Variants in FUT9 observed in about 807,000 individuals in gnomAD.
FUT9 encodes fucosyltransferase 9.
FUT9 carries 15 observed loss-of-function variants against 29.7 expected under a neutral mutation model. The observed-to-expected ratio is 0.51, with a 90% confidence interval of 0.34 to 0.78. FUT9 has a LOEUF of 0.78. Ranked by LOEUF, FUT9 falls within the 30% of genes least tolerant of loss-of-function variation. The pLI is 0.01. For missense variants in FUT9, 319 were observed against 425.4 expected (o/e 0.75, Z 2.20); for synonymous variants, 169 against 153.7 (o/e 1.10, Z -0.74).
At chr6:96,142,770 AAGG>A (rs1455823815) in intron 2 of FUT9, among the ~76,000 whole-genome samples, 3 of 152,268 alleles carry the variant, frequency 2.0e-5, no homozygotes, top group African/African-American at 7.2e-5. Context: ...TTTAAATTAT[AAGG>A]AGTAGTATTT....
At chr6:96,024,658 C>T (rs1014966963) in intron 1 of FUT9, among the ~76,000 whole-genome samples, 12 of 151,642 alleles carry the variant, frequency 7.9e-5, no homozygotes, top group African/African-American at 1.7e-4. Flanking sequence ...CATTAGCTGC[C>T]GCAATATCTT....
intron 1 of FUT9, among the ~76,000 whole-genome samples, chr6:96,068,793 G>A (rs1160464222): frequency 1.3e-5 from 2 of 152,110 alleles, no homozygotes; most frequent in Non-Finnish European, 2.9e-5. Flanking sequence ...ATGCCATTGT[G>A]AAAATAGTGT....
intron 2 of FUT9, among the ~76,000 whole-genome samples, chr6:96,170,334 A>T (rs538341606): frequency 2.6e-5 from 4 of 152,276 alleles, no homozygotes; most frequent in Non-Finnish European, 5.9e-5. Flanking sequence ...CAGAAACCCA[A>T]GTTTGACTCT....
chr6:96,080,226 A>T (rs963368198), intron 1 of FUT9, among the ~76,000 whole-genome samples: 1 of 152,100 alleles, frequency 6.6e-6, no homozygotes, highest in Non-Finnish European at 1.5e-5. Context: ...GTTTCTAAAA[A>T]AAAAGCCAGA....
intron 2 of FUT9, among the ~76,000 whole-genome samples, chr6:96,119,383 C>T (rs1299082167): frequency 6.6e-6 from 1 of 152,126 alleles, no homozygotes; most frequent in African/African-American, 2.4e-5. Flanking sequence ...GAAACAATAG[C>T]CTAAGTGTGT....
chr6:96,058,759 G>A (rs1334512340), intron 1 of FUT9, among the ~76,000 whole-genome samples: 1 of 152,114 alleles, frequency 6.6e-6, no homozygotes, highest in Admixed American at 6.5e-5. Context: ...CTTACCTCAT[G>A]TTGTTTTGTA....
intron 1 of FUT9, among the ~76,000 whole-genome samples, chr6:96,081,873 A>G (rs1771243937): frequency 6.6e-6 from 1 of 151,894 alleles, no homozygotes; most frequent in Admixed American, 6.6e-5. Context: ...TGTGGAGTAT[A>G]AGGAGGCATC....
In FUT9 at chr6:96,212,728, T is replaced by C. The variant is rs369027282; in HGVS notation, c.*8493T>C. 5.6e-6 allele frequency: 1 copy of C among 177,746 alleles called. No homozygotes were observed. Among genetic ancestry groups the C allele is most frequent in the African/African-American group, 2.4e-5 (1 of 41,938 alleles). The allele number at this position is 177,746 out of a possible 1,614,324, so 11.0% of individuals were successfully genotyped here. A position where few individuals can be genotyped will look rare whatever the true frequency, so the allele number is the denominator to read the frequency against. ...AGGTTAAACATCTTCATTATAATAA[T>C]ATGTCTTATTCTGATTCCAAGACAA... On this transcript the variant is annotated 3_prime_UTR_variant, in exon 3 of 3. Coordinates refer to ENST00000302103, the MANE Select transcript of FUT9 (RefSeq NM_006581.4).
At chr6:96,188,745 G>T (rs1002656389) in intron 2 of FUT9, among the ~76,000 whole-genome samples, 18 of 150,138 alleles carry the variant, frequency 1.2e-4, no homozygotes, top group African/African-American at 4.2e-4. Flanking sequence ...TGAACAGTAA[G>T]AAATACATTT....
intron 2 of FUT9, among the ~76,000 whole-genome samples, chr6:96,155,554 T>A (rs562478971): frequency 6.6e-6 from 1 of 151,734 alleles, no homozygotes; most frequent in Non-Finnish European, 1.5e-5. Context: ...GTGCCTGTAG[T>A]CCTAGCTGCT....
intron 1 of FUT9, among the ~76,000 whole-genome samples, chr6:96,017,573 A>C (rs1770000986): frequency 6.6e-6 from 1 of 152,200 alleles, no homozygotes; most frequent in African/African-American, 2.4e-5. Context: ...TTATGGTTTA[A>C]TATTTTAGAG....
chr6:96,212,306 G>A lies in FUT9; in HGVS notation c.*8071G>A, dbSNP rs146022547. On this transcript the variant is annotated 3_prime_UTR_variant, in exon 3 of 3. Transcript: ENST00000302103. ...CAGAGGATATGAGCTCATCTAGGAT[G>A]GAATACATGTCTCCAGGGACTGTAA... 2.8e-3 allele frequency: 1,141 copies of A among 412,666 alleles called. 6 individuals are homozygous for A. Among genetic ancestry groups the A allele is most frequent in the Non-Finnish European group, 1.6e-3 (350 of 225,598 alleles). The allele number at this position is 412,666 out of a possible 1,614,324, so 25.6% of individuals were successfully genotyped here.
Position 96,203,774 on chromosome 6 carries a change from A to G in FUT9, c.619A>G (p.Asn207Asp). The change falls in exon 3 of 3, where the codon AAT becomes GAT. Residue 207 changes from asparagine (N) to aspartate (D), a missense_variant. Asn to Asp is a conservative substitution (Grantham distance 23). Coordinates refer to ENST00000302103, the MANE Select transcript of FUT9 (RefSeq NM_006581.4). ...TGAGCATGCCAGAGTCAAGTATTACAATGAGCTAAGCAAAAGCATTGAAAT... is the reference window on the plus strand; with the variant it reads ...TGAGCATGCCAGAGTCAAGTATTACGATGAGCTAAGCAAAAGCATTGAAAT... ...NPEHARVKYYNELSKSIEIHT... is the reference protein window; with the variant it reads ...NPEHARVKYYDELSKSIEIHT... 6.2e-7 allele frequency: 1 copy of G among 1,614,074 alleles called. No individual in the cohort carries two copies.
At position 96,056,306 on chromosome 6, in the gene FUT9, G is replaced by T. The variant is rs114273881; in HGVS notation, c.-98+40094G>T. Among the ~76,000 whole-genome samples the T allele has an allele frequency of 4.0e-3, 604 of 152,192 alleles. 3 individuals are homozygous for T. Among genetic ancestry groups the T allele is most frequent in the African/African-American group, 0.014 (589 of 41,516 alleles). ...GGGTAGAAAAAGACAAATAGAATCT[G>T]GTTAGTCTCTATGGCAAAGTCATAC... On this transcript the variant is annotated intron_variant, in intron 1 of 2. Coordinates refer to ENST00000302103, the MANE Select transcript of FUT9 (RefSeq NM_006581.4).
intron 2 of FUT9, among the ~76,000 whole-genome samples, chr6:96,198,490 G>A (rs1217788443): frequency 1.3e-5 from 2 of 151,928 alleles, no homozygotes; most frequent in Non-Finnish European, 2.9e-5. Flanking sequence ...GTGTATATGT[G>A]CCACATTTTC....
intron 2 of FUT9, among the ~76,000 whole-genome samples, chr6:96,122,921 A>G (rs899570546): frequency 2.6e-5 from 4 of 151,794 alleles, no homozygotes; most frequent in Admixed American, 1.3e-4. Context: ...CTAGCTGGGC[A>G]TGGTGGCGGG....
At chr6:96,180,394 C>A (rs9377473) in intron 2 of FUT9, among the ~76,000 whole-genome samples, 25,053 of 151,924 alleles carry the variant, frequency 0.16, 2,293 homozygotes, top group Admixed American at 0.25. Flanking sequence ...CATGCTGTGT[C>A]CAGAGTAAGT....
At chr6:96,036,725 G>T (rs1420208542) in intron 1 of FUT9, 2 of 151,908 alleles carry the variant, frequency 1.3e-5, no homozygotes, top group African/African-American at 2.4e-5. Context: ...GCTGTGGTTT[G>T]TCTGTATTTT....
At chr6:96,151,058 G>A (rs182283936) in intron 2 of FUT9, among the ~76,000 whole-genome samples, 333 of 152,268 alleles carry the variant, frequency 2.2e-3, no homozygotes, top group African/African-American at 7.7e-3. Flanking sequence ...CAAATAGAAT[G>A]CTAATTGATA....
Sources: gnomAD v4.1 joint callset for allele counts (sites outside exome capture counted in the v4.1 genomes callset) on GRCh38, gnomAD v4.1.1 for gene constraint, MANE v1.5 for transcripts, NCBI Gene and HGNC (gene_info 2026-07-23, HGNC 2026-07-21) for gene names.